Variants in ZNF184 observed in about 807,000 individuals in gnomAD.
The protein encoded by ZNF184 is zinc finger protein 184.
A neutral mutation model predicts 54.4 loss-of-function variants in ZNF184; 16 were observed. The ratio of observed to expected loss-of-function variants is 0.29; its 90% confidence interval spans 0.20 to 0.45. The LOEUF is 0.45. ZNF184 is among the 20% of genes least tolerant of loss of function. The pLI, the probability that ZNF184 is intolerant of heterozygous loss-of-function variation, is 1.00. For missense variants in ZNF184, 681 were observed against 888.2 expected, an observed-to-expected ratio of 0.77 and a Z score of 2.97; for synonymous variants, 254 against 295.3, an observed-to-expected ratio of 0.86 and a Z score of 1.43.
the ZNF184 span, among the ~76,000 whole-genome samples, chr6:27,419,518 TTCAATA>T: frequency 6.8e-6 from 1 of 147,510 alleles, no homozygotes; most frequent in Non-Finnish European, 1.5e-5. This position sits in a 1 kb window ranked among gnomAD's most constrained non-coding sequence, Gnocchi z 4.8. Flanking sequence ...CATATCTATT[TTCAATA>T]TTCAGATAGA....
At chr6:27,462,464 C>A (rs896388973) in intron 3 of ZNF184, among the ~76,000 whole-genome samples, 1 of 150,674 alleles carries the variant, frequency 6.6e-6, no homozygotes, top group African/African-American at 2.5e-5. Context: ...TCCCAAAGTG[C>A]TGGGATTACG....
the ZNF184 span, among the ~76,000 whole-genome samples, chr6:27,436,387 C>T: frequency 6.6e-6 from 1 of 152,222 alleles, no homozygotes; most frequent in Non-Finnish European, 1.5e-5. Flanking sequence ...TAGTCTCGAA[C>T]TCCTGACCTC....
the ZNF184 span, among the ~76,000 whole-genome samples, chr6:27,442,828 AAG>A: frequency 0.33 from 11,226 of 33,600 alleles, 1,785 homozygotes; most frequent in African/African-American, 0.44. Context: ...GAAAGAAAGA[AAG>A]AAAGAAAGAA....
At chr6:27,442,880 A>AAAGAAAG in the ZNF184 span, among the ~76,000 whole-genome samples, 11,041 of 86,192 alleles carry the variant, frequency 0.13, 1,748 homozygotes, top group South Asian at 0.22. Flanking sequence ...GAAAGAAAGA[A>AAAGAAAG]AAAGAAAAAA....
chr6:27,451,823 A>G lies in ZNF184; in HGVS notation c.1736T>C (p.Ile579Thr). The change falls in exon 6 of 6, where the codon ATC (isoleucine) becomes ACC (threonine). Residue 579 changes from isoleucine (I) to threonine (T), a missense_variant. By Grantham distance (89) the Ile-to-Thr change is moderately conservative. Transcript: ENST00000683788. ...CTTGTAAGGTCGTTCTCCAGTATGGATCTTCCTATGCTGAATAAGGGATGA... is the reference window on the plus strand; with the variant it reads ...CTTGTAAGGTCGTTCTCCAGTATGGGTCTTCCTATGCTGAATAAGGGATGA... ...YGSSLIQHRK[I>T]HTGERPYKCN... is the part of the protein sequence containing the mutation. 6.2e-7 allele frequency: 1 copy of G among 1,613,522 alleles called. No homozygotes were observed. Among genetic ancestry groups the G allele is most frequent in the Non-Finnish European group, 8.5e-7 (1 of 1,180,004 alleles).
At chr6:27,454,411 G>A (rs1360820020) in intron 5 of ZNF184, among the ~76,000 whole-genome samples, 1 of 152,144 alleles carries the variant, frequency 6.6e-6, no homozygotes, top group Non-Finnish European at 1.5e-5. Context: ...TTCTACAGGA[G>A]GGACGACATC....
At chr6:27,408,174 T>C in the ZNF184 span, among the ~76,000 whole-genome samples, 3 of 152,182 alleles carry the variant, frequency 2.0e-5, no homozygotes, top group African/African-American at 7.2e-5. Flanking sequence ...AGAGGAGAAA[T>C]GGGACATCTA....
chr6:27,417,045 T>C, the ZNF184 span, among the ~76,000 whole-genome samples: 163 of 152,262 alleles, frequency 1.1e-3, no homozygotes, highest in Non-Finnish European at 1.7e-3. Flanking sequence ...ACTGAACTAG[T>C]GGAACATCCC....
chr6:27,468,013 C>G (rs1370673267), intron 2 of ZNF184, 93 bp from the exon 3 acceptor site: 1 of 1,059,252 alleles, frequency 9.4e-7, no homozygotes, highest in Non-Finnish European at 1.3e-6. Context: ...TTGAAAATAA[C>G]AGAAACTATG....
the ZNF184 span, among the ~76,000 whole-genome samples, chr6:27,422,621 T>G: frequency 6.6e-6 from 1 of 152,146 alleles, no homozygotes; most frequent in African/African-American, 2.4e-5. Context: ...TTGGATATGT[T>G]CCTCATGTGA....
At chr6:27,411,015 A>G in the ZNF184 span, among the ~76,000 whole-genome samples, 1 of 152,112 alleles carries the variant, frequency 6.6e-6, no homozygotes, top group African/African-American at 2.4e-5. Flanking sequence ...TCTTTGTGCT[A>G]CTACAACAAA....
Position 27,450,789 on chromosome 6 carries a change from A to G in ZNF184, c.*514T>C, listed in dbSNP as rs1461460196. 6.6e-6 allele frequency: 1 copy of G among 151,156 alleles called. No individual in the cohort carries two copies. The highest frequency in any genetic ancestry group is 6.6e-5 in the Admixed American group (1 of 15,124). The allele number at this position is 151,156 out of a possible 1,614,324, so 9.4% of individuals were successfully genotyped here. On this transcript the variant is annotated 3_prime_UTR_variant, in exon 6 of 6. Coordinates refer to ENST00000683788, the MANE Select transcript of ZNF184 (RefSeq NM_001318891.2). ...TTTAATATTCTTACTGAGTTAGGCT[A>G]TTATATGCAATTGAATTGTTAATTT...
At chr6:27,434,187 ATACC>A in the ZNF184 span, among the ~76,000 whole-genome samples, 56 of 152,266 alleles carry the variant, frequency 3.7e-4, 1 homozygote, top group East Asian at 9.8e-3. Context: ...TTTTGGGTAT[ATACC>A]AAGACATAGA....
chr6:27,416,749 G>T, the ZNF184 span, among the ~76,000 whole-genome samples: 1 of 152,104 alleles, frequency 6.6e-6, no homozygotes, highest in Non-Finnish European at 1.5e-5. Context: ...ACTGACCCCT[G>T]CTATAAGAGT....
At chr6:27,404,907 C>T in the ZNF184 span, 3 of 151,906 alleles carry the variant, frequency 2.0e-5, no homozygotes, top group African/African-American at 7.3e-5. Context: ...TTCCCAGCTA[C>T]TTGGGAGGCT....
chr6:27,425,405 C>T, the ZNF184 span, among the ~76,000 whole-genome samples: 1 of 152,232 alleles, frequency 6.6e-6, no homozygotes, highest in Non-Finnish European at 1.5e-5. Flanking sequence ...TGACAATGAC[C>T]TCATAGTTAT....
intron 3 of ZNF184, among the ~76,000 whole-genome samples, chr6:27,459,852 C>A (rs1027969054): frequency 6.6e-6 from 1 of 152,144 alleles, no homozygotes; most frequent in African/African-American, 2.4e-5. Flanking sequence ...TATATCTATA[C>A]GTACTCATTA....
chr6:27,469,948 G>C (rs1763234111), intron 2 of ZNF184, among the ~76,000 whole-genome samples: 1 of 150,204 alleles, frequency 6.7e-6, no homozygotes, highest in African/African-American at 2.4e-5. Context: ...GGAACATGAA[G>C]AATAAAAAGA....
chr6:27,451,456 A>C lies in ZNF184; in HGVS notation c.2103T>G (p.Asn701Lys). 6.2e-7 allele frequency: 1 copy of C among 1,614,146 alleles called. No homozygotes were observed. The highest frequency in any genetic ancestry group is 8.5e-7 in the Non-Finnish European group (1 of 1,180,018). Residue 701 changes from asparagine to lysine, a missense_variant, in exon 6 of 6, where the codon AAT (asparagine) becomes AAG (lysine). Asn to Lys is a moderately conservative substitution (Grantham distance 94). Transcript: ENST00000683788. ...TCTGGCTAAAAGTCTTTCTGCATTC[A>C]TTACAGTTATAAGGTTTCTCTCCAG... ...THTGEKPYNC[N>K]ECRKTFSQST...
Sources: allele counts gnomAD v4.1 joint callset (sites outside exome capture counted in the v4.1 genomes callset), GRCh38; gene constraint gnomAD v4.1.1; non-coding constraint Gnocchi (gnomAD v3.1); transcripts MANE v1.5; gene names NCBI Gene and HGNC (gene_info 2026-07-23, HGNC 2026-07-21).